The following NRXN1 variants were observed in gnomAD, a reference collection of about 807,000 sequenced individuals.
NRXN1 encodes neurexin 1.
Under a neutral mutation model 150.9 loss-of-function variants are expected in NRXN1, and 39 were observed. That is an observed-to-expected ratio of 0.26 (90% CI 0.20 to 0.34). The LOEUF is 0.34. NRXN1 is among the 10% of genes least tolerant of loss of function. The pLI, the probability that NRXN1 is intolerant of heterozygous loss-of-function variation, is 1.00. For missense variants in NRXN1, 1,815 were observed against 1,949.9 expected, an observed-to-expected ratio of 0.93 and a Z score of 1.30; for synonymous variants, 924 against 757.0, an observed-to-expected ratio of 1.22 and a Z score of -3.62.
At chr2:50,260,633 T>G (rs1257480708) in intron 17 of NRXN1, among the ~76,000 whole-genome samples, 2 of 47,998 alleles carry the variant, frequency 4.2e-5, no homozygotes, top group African/African-American at 1.9e-4. Context: ...TTTTCCGTTT[T>G]TTTTTTTTTT....
chr2:50,137,583 G>C (rs1169426342), intron 18 of NRXN1, among the ~76,000 whole-genome samples: 2 of 151,680 alleles, frequency 1.3e-5, no homozygotes, highest in African/African-American at 4.8e-5. Flanking sequence ...TCTAAATCTA[G>C]AGTCAGGACA....
intron 17 of NRXN1, among the ~76,000 whole-genome samples, chr2:50,437,813 T>A (rs954493896): frequency 6.6e-6 from 1 of 152,200 alleles, no homozygotes; most frequent in Non-Finnish European, 1.5e-5. Flanking sequence ...CCATGGATAA[T>A]GTCTGGGTGA....
intron 19 of NRXN1, among the ~76,000 whole-genome samples, chr2:50,074,613 A>G (rs1696781823): frequency 1.3e-5 from 2 of 152,304 alleles, no homozygotes; most frequent in African/African-American, 4.8e-5. Context: ...AATAAAAACA[A>G]CTTGAGCTAG....
chr2:50,538,406 T>C lies in NRXN1; in HGVS notation c.1990A>G (p.Ser664Gly). ...KDIRQMAEVQSTAGVKPSCSK... is the reference protein window; with the variant it reads ...KDIRQMAEVQGTAGVKPSCSK... ...CAGGAAGGCTTCACTCCAGCAGTAC[T>C]TTGAACTTCAGCCATTTGCCGGATA... Residue 664 changes from serine (S) to glycine (G), a missense_variant, in exon 10 of 23, where the codon AGT becomes GGT. Physicochemically the swap from Ser to Gly is moderately conservative, Grantham distance 56. Around this residue, in one of 6 missense-constraint regions of NRXN1, gnomAD observed 638 missense variants for 652.6 expected, o/e 0.98. Coordinates refer to ENST00000401669, the MANE Select transcript of NRXN1 (RefSeq NM_001330078.2). The C allele has an allele frequency of 6.2e-7, 1 of 1,614,010 alleles. No homozygotes were observed. Among genetic ancestry groups the C allele is most frequent in the Non-Finnish European group, 8.5e-7 (1 of 1,179,880 alleles).
intron 18 of NRXN1, among the ~76,000 whole-genome samples, chr2:50,215,918 G>A (rs1324263944): frequency 6.6e-6 from 1 of 152,020 alleles, no homozygotes; most frequent in Non-Finnish European, 1.5e-5. Flanking sequence ...GCATTTTTCA[G>A]CTGATTTCAC....
chr2:50,975,885 A>G (rs1695743370), intron 2 of NRXN1, among the ~76,000 whole-genome samples: 1 of 152,094 alleles, frequency 6.6e-6, no homozygotes, highest in Admixed American at 6.6e-5. Flanking sequence ...TAGGGGAAGA[A>G]GAAATTGTGT....
intron 21 of NRXN1, among the ~76,000 whole-genome samples, chr2:50,031,202 A>G (rs927756083): frequency 2.0e-5 from 3 of 152,074 alleles, no homozygotes; most frequent in Non-Finnish European, 4.4e-5. Flanking sequence ...TAAAGTATAC[A>G]ATTTTATGAA....
At chr2:50,396,388 T>C (rs1428587619) in intron 17 of NRXN1, among the ~76,000 whole-genome samples, 2 of 152,206 alleles carry the variant, frequency 1.3e-5, no homozygotes, top group Non-Finnish European at 2.9e-5. Flanking sequence ...TCTAAAATTG[T>C]ATTATGGATA....
intron 2 of NRXN1, among the ~76,000 whole-genome samples, chr2:50,972,463 G>T (rs1019938424): frequency 2.0e-5 from 3 of 152,070 alleles, no homozygotes; most frequent in Non-Finnish European, 4.4e-5. Context: ...ACCAGGAACT[G>T]GTTTTGTGGA....
intron 5 of NRXN1, among the ~76,000 whole-genome samples, chr2:50,730,672 C>CTTTTTTTTTTTTTTTTTTTT (rs56042523): frequency 1.1e-4 from 14 of 122,026 alleles, no homozygotes; most frequent in East Asian, 2.4e-4. Context: ...TTCTTGTTTT[C>CTTTTTTTTTTTTTTTTTTTT]TTTTTTTTTT....
At chr2:50,320,244 AT>A (rs1376185476) in intron 17 of NRXN1, among the ~76,000 whole-genome samples, 2 of 136,042 alleles carry the variant, frequency 1.5e-5, no homozygotes, top group Non-Finnish European at 3.1e-5. Flanking sequence ...TAAATAATCA[AT>A]TTTTTAAAAA....
chr2:50,169,611 G>A (rs1161251700), intron 18 of NRXN1, among the ~76,000 whole-genome samples: 1 of 151,752 alleles, frequency 6.6e-6, no homozygotes, highest in East Asian at 1.9e-4. Flanking sequence ...TACTCGGGAG[G>A]CTGAGGAAGG....
intron 18 of NRXN1, among the ~76,000 whole-genome samples, chr2:50,156,726 T>A (rs1227229365): frequency 6.6e-6 from 1 of 151,934 alleles, no homozygotes; most frequent in Non-Finnish European, 1.5e-5. Flanking sequence ...ATTATATGAG[T>A]ATGTAAGATA....
At chr2:50,901,022 G>A (rs1312171567) in intron 5 of NRXN1, among the ~76,000 whole-genome samples, 4 of 152,212 alleles carry the variant, frequency 2.6e-5, no homozygotes, top group African/African-American at 9.6e-5. Flanking sequence ...ACACTCCTGT[G>A]TCCCATTCAC....
intron 5 of NRXN1, among the ~76,000 whole-genome samples, chr2:50,765,317 T>TAAG (rs1251390623): frequency 6.6e-6 from 1 of 151,986 alleles, no homozygotes; most frequent in Admixed American, 6.6e-5. Context: ...GGTTAACCAT[T>TAAG]AAGAGACGGA....
chr2:50,458,595 T>C lies in NRXN1; in HGVS notation c.3364+6847A>G, dbSNP rs979371522. 2.0e-5 allele frequency among the ~76,000 whole-genome samples: 3 copies of C among 151,982 alleles called. 1 individual carries two copies. The highest frequency in any genetic ancestry group is 7.2e-5 in the African/African-American group (3 of 41,384). On this transcript the variant is annotated intron_variant, in intron 17 of 22. Coordinates refer to ENST00000401669, the MANE Select transcript of NRXN1 (RefSeq NM_001330078.2). ...CATGTATTCATAATTTTTTTTTTTT[T>C]TGAGATGGAGTTTCACTTTTGTTGC...
chr2:50,273,023 A>C (rs1006330536), intron 17 of NRXN1, among the ~76,000 whole-genome samples: 1 of 152,164 alleles, frequency 6.6e-6, no homozygotes, highest in Non-Finnish European at 1.5e-5. Context: ...CTTAAAAAAC[A>C]CATAAAAATT....
intron 18 of NRXN1, among the ~76,000 whole-genome samples, chr2:50,232,741 T>C (rs1399553486): frequency 6.6e-6 from 1 of 152,106 alleles, no homozygotes; most frequent in Non-Finnish European, 1.5e-5. Context: ...CATCAGAAAG[T>C]TTATTTCTAT....
intron 21 of NRXN1, among the ~76,000 whole-genome samples, chr2:49,944,891 C>A (rs982866687): frequency 6.6e-6 from 1 of 151,982 alleles, no homozygotes; most frequent in South Asian, 2.1e-4. Context: ...AGCAAAAATA[C>A]GATATGAGCA....
Sources: gnomAD v4.1 joint callset for allele counts (sites outside exome capture counted in the v4.1 genomes callset) on GRCh38, gnomAD v4.1.1 for gene constraint, gnomAD v4.1.1 regional missense constraint, MANE v1.5 for transcripts, NCBI Gene and HGNC (gene_info 2026-07-23, HGNC 2026-07-21) for gene names.